Variants in DLG1 observed in about 807,000 individuals in gnomAD.
DLG1 encodes the protein disks large homolog 1.
A neutral mutation model predicts 123.4 loss-of-function variants in DLG1; 42 were observed. The observed-to-expected ratio is 0.34, with a 90% CI of 0.27 to 0.44. DLG1 has a LOEUF of 0.44. Among genes scored for constraint, DLG1 ranks in the 20% least tolerant of loss-of-function variants. The pLI is 1.00. For synonymous variants in DLG1, 317 were observed against 356.2 expected, an observed-to-expected ratio of 0.89 and a Z score of 1.24; for missense variants, 942 against 1,082.6, an observed-to-expected ratio of 0.87 and a Z score of 1.82.
intron 4 of DLG1, among the ~76,000 whole-genome samples, chr3:197,205,927 T>C (rs1055670365): frequency 8.5e-5 from 13 of 152,254 alleles, no homozygotes; most frequent in Non-Finnish European, 1.5e-4. Flanking sequence ...GTCCTTCTCA[T>C]GCTGTCATCT....
chr3:197,277,484 G>T (rs1312469200), intron 4 of DLG1, among the ~76,000 whole-genome samples: 2 of 152,044 alleles, frequency 1.3e-5, no homozygotes, highest in African/African-American at 2.4e-5. Flanking sequence ...GGAACCACAG[G>T]CACGCACCAC....
At chr3:197,196,471 G>A (rs1577919096) in intron 4 of DLG1, among the ~76,000 whole-genome samples, 1 of 152,300 alleles carries the variant, frequency 6.6e-6, no homozygotes, top group East Asian at 1.9e-4. Context: ...TACATACTCA[G>A]TTGAGTGGAA....
intron 5 of DLG1, among the ~76,000 whole-genome samples, chr3:197,157,264 T>C (rs1326329723): frequency 6.6e-6 from 1 of 152,192 alleles, no homozygotes; most frequent in Non-Finnish European, 1.5e-5. Flanking sequence ...GATATGATCT[T>C]ATATGTAAAA....
intron 20 of DLG1, among the ~76,000 whole-genome samples, chr3:197,066,495 C>G (rs1477717815): frequency 1.3e-5 from 2 of 151,960 alleles, no homozygotes; most frequent in Non-Finnish European, 2.9e-5. Flanking sequence ...AAATAAAACA[C>G]AAATATAAAA....
chr3:197,202,342 C>T (rs1406974977), intron 4 of DLG1, among the ~76,000 whole-genome samples: 2 of 152,078 alleles, frequency 1.3e-5, no homozygotes, highest in African/African-American at 4.8e-5. Flanking sequence ...CAAGAAACGA[C>T]GCTCATTTTG....
chr3:197,201,526 C>T (rs1191567055), intron 4 of DLG1, among the ~76,000 whole-genome samples: 2 of 152,114 alleles, frequency 1.3e-5, no homozygotes, highest in Non-Finnish European at 2.9e-5. Flanking sequence ...AATGATCTGG[C>T]CAAACACCCA....
At chr3:197,171,444 GCAAA>G (rs899383266) in intron 5 of DLG1, among the ~76,000 whole-genome samples, 7 of 151,994 alleles carry the variant, frequency 4.6e-5, no homozygotes, top group Non-Finnish European at 1.5e-5. Context: ...TATCTCACAA[GCAAA>G]CAATTATAAA....
At chr3:197,150,373 A>G (rs915417205) in intron 5 of DLG1, among the ~76,000 whole-genome samples, 1 of 152,172 alleles carries the variant, frequency 6.6e-6, no homozygotes, top group Non-Finnish European at 1.5e-5. Context: ...GTGATTTATT[A>G]CAGCAAGAAA....
At chr3:197,056,800 G>A (rs1731997540) in intron 23 of DLG1, among the ~76,000 whole-genome samples, 1 of 152,168 alleles carries the variant, frequency 6.6e-6, no homozygotes, top group African/African-American at 2.4e-5. Context: ...CCCAGAATCT[G>A]GGTGTGCTCA....
chr3:197,148,863 A>G (rs1792468751), intron 6 of DLG1, among the ~76,000 whole-genome samples: 2 of 152,198 alleles, frequency 1.3e-5, no homozygotes, highest in African/African-American at 2.4e-5. Flanking sequence ...GGCATTTTCT[A>G]AAGTTTTATC....
chr3:197,177,311 TC>T (rs1807662695), intron 5 of DLG1, among the ~76,000 whole-genome samples: 1 of 152,148 alleles, frequency 6.6e-6, no homozygotes, highest in South Asian at 2.1e-4. Context: ...GGAGACTATT[TC>T]CACCAATTTC....
At chr3:197,061,333 T>G (rs1735630548) in intron 22 of DLG1, among the ~76,000 whole-genome samples, 1 of 152,200 alleles carries the variant, frequency 6.6e-6, no homozygotes, top group South Asian at 2.1e-4. Flanking sequence ...ATATTCTAGG[T>G]TTGCTTTAAC....
chr3:197,289,189 T>G (rs1046486826), intron 3 of DLG1, among the ~76,000 whole-genome samples: 2 of 152,240 alleles, frequency 1.3e-5, no homozygotes, highest in Admixed American at 6.5e-5. Flanking sequence ...AGTGTTAAAT[T>G]TCTGAAGGCT....
intron 3 of DLG1, among the ~76,000 whole-genome samples, chr3:197,290,940 A>C (rs2151240137): frequency 6.6e-6 from 1 of 151,922 alleles, no homozygotes; most frequent in East Asian, 1.9e-4. Flanking sequence ...CACACAAGAC[A>C]AAGAAAAGCT....
intron 4 of DLG1, among the ~76,000 whole-genome samples, chr3:197,202,676 C>T (rs1726408745): frequency 1.3e-5 from 2 of 152,196 alleles, no homozygotes; most frequent in South Asian, 4.1e-4. Flanking sequence ...CTCAACACTT[C>T]TCTAGCGTTT....
intron 6 of DLG1, among the ~76,000 whole-genome samples, chr3:197,149,229 AC>A (rs1282927401): frequency 6.6e-6 from 1 of 152,120 alleles, no homozygotes; most frequent in Non-Finnish European, 1.5e-5. Flanking sequence ...TACACCCACC[AC>A]CTGGCAACTG....
At chr3:197,049,199 C>T (rs1725519718) in intron 24 of DLG1, among the ~76,000 whole-genome samples, 1 of 152,078 alleles carries the variant, frequency 6.6e-6, no homozygotes, top group Non-Finnish European at 1.5e-5. Flanking sequence ...TGCCTCTAGT[C>T]CCTGCTACTT....
At position 197,291,001 on chromosome 3, in the gene DLG1, G is replaced by A. The variant is rs556360326; in HGVS notation, c.151+5345C>T. On this transcript the variant is annotated intron_variant, in intron 3 of 24. Coordinates refer to ENST00000667157, the MANE Select transcript of DLG1 (RefSeq NM_001366207.1). ...ACGTGACAACTAACGGTAATATCTG[G>A]TCCAAGTCTGGATTCTGCACTGAGG... Among the ~76,000 whole-genome samples, 14 of 151,892 alleles carry A rather than the reference G, an allele frequency of 9.2e-5. No individual in the cohort carries two copies. The South Asian group carries it at 2.7e-3, about 29-fold the overall frequency.
At chr3:197,167,547 A>G (rs983970800) in intron 5 of DLG1, among the ~76,000 whole-genome samples, 5 of 152,244 alleles carry the variant, frequency 3.3e-5, no homozygotes, top group Non-Finnish European at 5.9e-5. Context: ...CCAAAGGTAT[A>G]TAACTTGAAT....
Sources: gnomAD v4.1 joint callset for allele counts (sites outside exome capture counted in the v4.1 genomes callset) on GRCh38, gnomAD v4.1.1 for gene constraint, MANE v1.5 for transcripts, NCBI Gene and HGNC (gene_info 2026-07-23, HGNC 2026-07-21) for gene names.